MOG: variants seen among roughly 807,000 people sequenced by gnomAD.
MOG encodes myelin oligodendrocyte glycoprotein, also known as myelin-oligodendrocyte glycoprotein.
A neutral mutation model predicts 35.9 loss-of-function variants in MOG; 20 were observed. The ratio of observed to expected loss-of-function variants is 0.56; its 90% CI spans 0.39 to 0.81. MOG has a LOEUF of 0.81. MOG is among the 30% of genes least tolerant of loss of function. The pLI is 0.00. For synonymous variants in MOG, 92 were observed against 114.3 expected, an observed-to-expected ratio of 0.80 and a Z score of 1.25; for missense variants, 251 against 301.0, an observed-to-expected ratio of 0.83 and a Z score of 1.23.
At chr6:29,661,302 A>G in intron 2 of MOG, 1 of 867,442 alleles carries the variant, frequency 1.2e-6, no homozygotes, top group Non-Finnish European at 1.4e-6. Flanking sequence ...TTGTATGTGG[A>G]ACAACAAAGC....
rs1004513299 is a variant in MOG at position 29,662,224 on chromosome 6, C to T, written c.436+2558C>T. On this transcript the variant is annotated intron_variant, in intron 2 of 7. Transcript: ENST00000376917. The surrounding 1 kb of genome is among the most constrained non-coding windows in gnomAD (Gnocchi z 4.2). Reference sequence around the variant, plus strand: ...AAATGCCAGGCGCGGCAGCTCACGCCTGTAATCCCAGCACTTTGGGAGGCC... The same window carrying T: ...AAATGCCAGGCGCGGCAGCTCACGCTTGTAATCCCAGCACTTTGGGAGGCC... The T allele has an allele frequency of 4.1e-6, 4 of 977,628 alleles. No homozygotes were observed. Among genetic ancestry groups the T allele is most frequent in the Admixed American group, 6.2e-5 (1 of 16,238 alleles). The allele number at this position is 977,628 out of a possible 1,614,324, so 60.6% of individuals were successfully genotyped here. A position where few individuals can be genotyped will look rare whatever the true frequency, so the allele number is the denominator to read the frequency against.
At chr6:29,667,953 A>G in intron 5 of MOG, 29 bp downstream of exon 5, 1 of 1,612,226 alleles carries the variant, frequency 6.2e-7, no homozygotes. Context: ...AGGCCCTCCC[A>G]GGTCAACTTG....
Position 29,666,278 on chromosome 6 carries a change from G to A in MOG, c.550+13G>A, listed in dbSNP as rs1340913374. ...TACAGACTGAGAGGTACAGGGCAGA[G>A]GGTGGGTGGATCAGGATCCTTTCTT... On this transcript the variant is annotated intron_variant, in intron 3 of 7. Coordinates refer to ENST00000376917, the MANE Select transcript of MOG (RefSeq NM_206809.4). 2.0e-6 allele frequency: 3 copies of A among 1,504,458 alleles called. No individual in the cohort carries two copies. The highest frequency in any genetic ancestry group is 3.3e-5 in the Admixed American group (2 of 59,896). The allele number at this position is 1,504,458 out of a possible 1,614,324, so 93.2% of individuals were successfully genotyped here. A position where few individuals can be genotyped will look rare whatever the true frequency, so the allele number is the denominator to read the frequency against.
chr6:29,665,339 G>A (rs1296029218), intron 2 of MOG, among the ~76,000 whole-genome samples: 6 of 150,806 alleles, frequency 4.0e-5, no homozygotes, highest in African/African-American at 9.7e-5. Context: ...CAGGCGATCC[G>A]CCCGCCTCGG....
intron 2 of MOG, among the ~76,000 whole-genome samples, chr6:29,660,524 C>T (rs528654233): frequency 1.6e-4 from 21 of 131,634 alleles, no homozygotes; most frequent in African/African-American, 5.4e-4. Context: ...AGCGAGACTC[C>T]GTCTCAAAAA....
chr6:29,667,964 G>A, intron 5 of MOG, 40 bp downstream of exon 5: 1 of 1,607,732 alleles, frequency 6.2e-7, no homozygotes, highest in Non-Finnish European at 8.5e-7. Context: ...GGTCAACTTG[G>A]TATTTCACTC....
rs776123288 is a variant in MOG, at chr6:29,671,154, A to G, written c.731-18A>G. The G allele has an allele frequency of 2.5e-6, 4 of 1,612,784 alleles. No homozygotes were observed. In the Admixed American group the frequency reaches 6.7e-5, roughly 27 times the overall value. On this transcript the variant is annotated intron_variant, in intron 7 of 7. Transcript: ENST00000376917. ...ACTACTGACATACGTTTTTCAAGTT[A>G]TTTTCTCCTTCTTCTAGGAAATCCC... is the stretch of plus-strand genomic sequence containing the variant.
At chr6:29,666,336 T>A in intron 3 of MOG, 71 bp downstream of exon 3, 2 of 879,954 alleles carry the variant, frequency 2.3e-6, no homozygotes, top group Non-Finnish European at 3.8e-6. Flanking sequence ...CTACACCACT[T>A]AACATGTATT....
intron 1 of MOG, among the ~76,000 whole-genome samples, chr6:29,657,587 G>A (rs542199612): frequency 3.3e-4 from 50 of 150,668 alleles, no homozygotes; most frequent in Admixed American, 4.0e-4. Flanking sequence ...TGGTTCAAGC[G>A]ATTCTCCTGA....
In MOG at chr6:29,666,194, C is replaced by A. The variant is rs1482648074; in HGVS notation, c.479C>A (p.Ala160Glu). The change falls in exon 3 of 8, where the codon GCG becomes GAG. Residue 160 changes from alanine (A) to glutamate (E), a missense_variant. Transcript: ENST00000376917. Reference protein sequence around the residue: ...WVSPGVLVLLAVLPVLLLQIT... With the variant: ...WVSPGVLVLLEVLPVLLLQIT... ...AGCCCTGGAGTGCTGGTTCTCCTCGCGGTGCTGCCTGTGCTCCTCCTGCAG... is the reference window on the plus strand; with the variant it reads ...AGCCCTGGAGTGCTGGTTCTCCTCGAGGTGCTGCCTGTGCTCCTCCTGCAG... The A allele has an allele frequency of 4.3e-6, 7 of 1,612,864 alleles. No homozygotes were observed. Among genetic ancestry groups the A allele is most frequent in the South Asian group, 1.1e-5 (1 of 91,074 alleles).
chr6:29,666,360 TG>T, intron 3 of MOG, 95 bp downstream of exon 3: 1 of 756,596 alleles, frequency 1.3e-6, no homozygotes, highest in East Asian at 2.5e-5. Context: ...GAGTGACTTC[TG>T]GGTTCAGAAG....
intron 2 of MOG, among the ~76,000 whole-genome samples, chr6:29,663,492 G>A (rs1769404401): frequency 6.6e-6 from 1 of 152,044 alleles, no homozygotes; most frequent in African/African-American, 2.4e-5. Context: ...TGCCCTTAGG[G>A]TTTCCCAGGG....
Position 29,670,644 on chromosome 6 carries a change from T to C in MOG, c.710-57T>C. On this transcript the variant is annotated intron_variant, in intron 6 of 7. Transcript: ENST00000376917. This position sits in a 1 kb window ranked among gnomAD's most constrained non-coding sequence, Gnocchi z 4.2. The stretch of plus-strand genomic sequence containing the variant: ...ACTCCAAATGTCCATAGGGAGGATG[T>C]GGGGAAGGTGCTATTCATCTTCCAC... 1 of 1,603,940 alleles carries C rather than the reference T, an allele frequency of 6.2e-7. No homozygotes were observed. The highest frequency in any genetic ancestry group is 8.5e-7 in the Non-Finnish European group (1 of 1,175,170).
intron 5 of MOG, among the ~76,000 whole-genome samples, chr6:29,668,186 A>G (rs1770640647): frequency 6.6e-6 from 1 of 152,190 alleles, no homozygotes; most frequent in South Asian, 2.1e-4. Flanking sequence ...TATGCACATG[A>G]TCTCTCTTTT....
intron 2 of MOG, chr6:29,661,435 T>C (rs1425625020): frequency 1.0e-6 from 1 of 985,252 alleles, no homozygotes; most frequent in East Asian, 1.1e-4. Context: ...TGAGACCCTC[T>C]CCAGTTTGCA....
At position 29,670,600 on chromosome 6, in the gene MOG, G is replaced by A. The variant is rs1771261582; in HGVS notation, c.710-101G>A. ...TACTGGATCTGTGGGATCCCCCAGT[G>A]GAAAGGGCAGTGTGGGTCACTCCAA... On this transcript the variant is annotated intron_variant, in intron 6 of 7. Transcript: ENST00000376917. The surrounding 1 kb of genome is among the most constrained non-coding windows in gnomAD (Gnocchi z 4.2). 1.3e-6 allele frequency: 2 copies of A among 1,585,904 alleles called. No individual in the cohort carries two copies. The highest frequency in any genetic ancestry group is 1.8e-5 in the Admixed American group (1 of 54,786).
At position 29,671,590 on chromosome 6, in the gene MOG, C is replaced by A; in HGVS notation, c.*405C>A. ...GTAACTTTGCAAATGGTGGTTGTTT[C>A]TTCCAAGACTCCAGCCCTGATTGCG... On this transcript the variant is annotated 3_prime_UTR_variant, in exon 8 of 8. Transcript: ENST00000376917. 1.4e-6 allele frequency: 1 copy of A among 738,870 alleles called. No individual in the cohort carries two copies. Among genetic ancestry groups the A allele is most frequent in the Admixed American group, 2.0e-5 (1 of 50,402 alleles). 45.8% of individuals were successfully genotyped at this position (738,870 alleles called of 1,614,324 possible). A position where few individuals can be genotyped will look rare whatever the true frequency, so the allele number is the denominator to read the frequency against.
chr6:29,665,877 T>TGTAA (rs1770109033), intron 2 of MOG, among the ~76,000 whole-genome samples: 1 of 152,166 alleles, frequency 6.6e-6, no homozygotes, highest in Admixed American at 6.5e-5. Context: ...GGACTTCAGA[T>TGTAA]GTAAGTCCCT....
At position 29,672,010 on chromosome 6, in the gene MOG, C is replaced by G. The variant is rs543337978; in HGVS notation, c.*825C>G. 1 of 156,236 alleles carries G rather than the reference C, an allele frequency of 6.4e-6. No homozygotes were observed. The highest frequency in any genetic ancestry group is 1.4e-5 in the Non-Finnish European group (1 of 70,530). 9.7% of individuals were successfully genotyped at this position (156,236 alleles called of 1,614,324 possible). On this transcript the variant is annotated 3_prime_UTR_variant, in exon 8 of 8. Transcript: ENST00000376917. ...AATTAATAAAGATACGAGTTTTGGCCGGGTGCGGTGGCTCACGCCTGTAAT... is the reference window on the plus strand; with the variant it reads ...AATTAATAAAGATACGAGTTTTGGCGGGGTGCGGTGGCTCACGCCTGTAAT...
Sources: allele counts gnomAD v4.1 joint callset (sites outside exome capture counted in the v4.1 genomes callset), GRCh38; gene constraint gnomAD v4.1.1; non-coding constraint Gnocchi (gnomAD v3.1); transcripts MANE v1.5; gene names NCBI Gene and HGNC (gene_info 2026-07-23, HGNC 2026-07-21).